The following SHOX variants were observed in gnomAD, a reference collection of about 807,000 sequenced individuals.
SHOX encodes short stature homeobox protein.
In SHOX, 12 loss-of-function variants were observed where a neutral mutation model predicts 29.6. The ratio of observed to expected loss-of-function variants is 0.41; its 90% CI spans 0.26 to 0.66. The LOEUF is 0.66. Ranked by LOEUF, SHOX falls within the 30% of genes least tolerant of loss-of-function variation. SHOX has a pLI of 0.35. For missense variants in SHOX, 499 were observed against 437.7 expected, an observed-to-expected ratio of 1.14 and a Z score of -1.25; for synonymous variants, 214 against 200.6, an observed-to-expected ratio of 1.07 and a Z score of -0.57.
upstream of SHOX, among the ~76,000 whole-genome samples, chrX:626,232 G>C (rs2052530038): frequency 7.2e-6 from 1 of 138,192 alleles, no homozygotes; most frequent in Non-Finnish European, 1.6e-5. Context: ...CTCTATCTCT[G>C]TCTCTCTTTC....
At chrX:639,905 G>A (rs2052820832) in intron 2 of SHOX, among the ~76,000 whole-genome samples, 2 of 152,028 alleles carry the variant, frequency 1.3e-5, no homozygotes, top group Non-Finnish European at 2.9e-5. Flanking sequence ...GGAGGCTGAG[G>A]CAGGAGAATC....
At chrX:640,732 C>A in intron 2 of SHOX, 89 bp from the exon 3 acceptor site, 1 of 1,466,560 alleles carries the variant, frequency 6.8e-7, no homozygotes, top group Non-Finnish European at 9.6e-7. Flanking sequence ...GTGCAAAGTG[C>A]TTGGTTCAGC....
chrX:626,127 CCT>C (rs1156748017), upstream of SHOX, among the ~76,000 whole-genome samples: 3 of 34,872 alleles, frequency 8.6e-5, no homozygotes, highest in Admixed American at 2.5e-4. Flanking sequence ...CTCTCTCTCT[CCT>C]CTCTCTCTTT....
upstream of SHOX, chrX:630,790 C>T: frequency 1.5e-6 from 2 of 1,332,074 alleles, no homozygotes; most frequent in Admixed American, 1.8e-5. Flanking sequence ...AATGGAAAGG[C>T]GTAAATAACA....
rs1487214781 is a variant in SHOX at position 644,960 on chromosome X, CCT to C, written c.*325_*326del. 8.3e-6 allele frequency: 3 copies of C among 360,902 alleles called. No individual in the cohort carries two copies. The highest frequency in any genetic ancestry group is 6.4e-5 in the African/African-American group (3 of 46,822). 22.4% of individuals were successfully genotyped at this position (360,902 alleles called of 1,614,324 possible). A position where few individuals can be genotyped will look rare whatever the true frequency, so the allele number is the denominator to read the frequency against. On this transcript the variant is annotated 3_prime_UTR_variant, in exon 5 of 5. Transcript: ENST00000686671. ...CTGGCTGCGTCTTCCTCTGCTATAC[CCT>C]ATGCATGCGGTTAACTACACACGTT...
At chrX:632,104 G>A (rs1217705291) in intron 1 of SHOX, 14 of 422,866 alleles carry the variant, frequency 3.3e-5, no homozygotes, top group Non-Finnish European at 5.8e-5. Flanking sequence ...AAGCTGTTGG[G>A]TCCATAAAAA....
rs1210516843 is a variant in SHOX, at chrX:644,702, C to T, written c.*66C>T. ...CGCGCACCCCGCCTGCACCGCGCGTCCTGCACTCAACCCCGCCTGGAGCTC... is the reference window on the plus strand; with the variant it reads ...CGCGCACCCCGCCTGCACCGCGCGTTCTGCACTCAACCCCGCCTGGAGCTC... On this transcript the variant is annotated 3_prime_UTR_variant, in exon 5 of 5. Coordinates refer to ENST00000686671, the MANE Select transcript of SHOX (RefSeq NM_000451.4). The T allele has an allele frequency of 5.9e-6, 8 of 1,361,428 alleles. No homozygotes were observed. The highest frequency in any genetic ancestry group is 4.0e-5 in the Admixed American group (1 of 24,860). 84.3% of individuals were successfully genotyped at this position (1,361,428 alleles called of 1,614,324 possible). A position where few individuals can be genotyped will look rare whatever the true frequency, so the allele number is the denominator to read the frequency against.
rs1569491842 is a variant in SHOX, at chrX:625,227, C to CCTCCTCCTCCTCCTTCTT, written c.-433+626_-433+627insTCCTCCTCCTCCTTCTTC. ...TTCTCCTCCTCCTCCTCCTCCTTCT[C>CCTCCTCCTCCTCCTTCTT]CCTCCTCCTCCTCCTTCTACTCCTT... On this transcript the variant is annotated intron_variant, in intron 1 of 5. Coordinates refer to the SHOX transcript ENST00000334060. 5.7e-5 allele frequency among the ~76,000 whole-genome samples: 8 copies of CCTCCTCCTCCTCCTTCTT among 139,178 alleles called. 1 individual carries two copies. The South Asian group carries it at 1.4e-3, about 25-fold the overall frequency. 91.3% of individuals were successfully genotyped at this position (139,178 alleles called of 152,430 possible).
At chrX:626,823 CCT>C (rs1386186862), upstream of SHOX, among the ~76,000 whole-genome samples, 10 of 149,500 alleles carry the variant, frequency 6.7e-5, no homozygotes, top group Admixed American at 4.7e-4. Flanking sequence ...TTCTCTCTCT[CCT>C]CTCTCTCTTT....
downstream of SHOX, among the ~76,000 whole-genome samples, chrX:655,606 CTCTCTCTCTATATA>C (rs1355516913): frequency 2.3e-3 from 82 of 35,786 alleles, no homozygotes; most frequent in African/African-American, 4.3e-3. Flanking sequence ...CTCTCTCTCT[CTCTCTCTCTATATA>C]TATATATATA....
rs189062499 is a variant in SHOX at position 642,560 on chromosome X, C to T, written c.633+1473C>T. The stretch of plus-strand genomic sequence containing the variant: ...AAGGAGAGGGGTCCGCATCCCTCCG[C>T]GGTTCTCCTCTCCTGGGTACCTGGC... On this transcript the variant is annotated intron_variant, in intron 4 of 4. Coordinates refer to ENST00000686671, the MANE Select transcript of SHOX (RefSeq NM_000451.4). Among the ~76,000 whole-genome samples, 957 of 152,344 alleles carry T rather than the reference C, an allele frequency of 6.3e-3. 18 individuals are homozygous for T. Among genetic ancestry groups the T allele is most frequent in the African/African-American group, 0.022 (917 of 41,584 alleles).
intron 2 of SHOX, among the ~76,000 whole-genome samples, chrX:636,231 ATAAATC>A: frequency 1.4e-5 from 2 of 146,484 alleles, no homozygotes; most frequent in African/African-American, 5.0e-5. Context: ...TATATAATAT[ATAAATC>A]TATAAACATA....
chrX:631,901 C>A (rs751148940), intron 1 of SHOX: 2 of 455,964 alleles, frequency 4.4e-6, no homozygotes, highest in East Asian at 1.4e-4. Flanking sequence ...GTCACCCAGA[C>A]GCACAGAGGA....
intron 1 of SHOX, among the ~76,000 whole-genome samples, chrX:632,558 C>T (rs751431436): frequency 3.5e-4 from 53 of 152,152 alleles, no homozygotes; most frequent in African/African-American, 1.2e-3. Flanking sequence ...GCTACCTGCT[C>T]TCCGGGGCCC....
Position 648,749 on chromosome X carries a change from A to G in SHOX, c.*4113A>G, listed in dbSNP as rs1030546166. Among the ~76,000 whole-genome samples, 1 of 152,016 alleles carries G rather than the reference A, an allele frequency of 6.6e-6. No individual in the cohort carries two copies. The highest frequency in any genetic ancestry group is 1.5e-5 in the Non-Finnish European group (1 of 68,012). On this transcript the variant is annotated 3_prime_UTR_variant, in exon 5 of 5. Coordinates refer to ENST00000686671, the MANE Select transcript of SHOX (RefSeq NM_000451.4). ...AAGTTGGGTGACTTTCTGTAGGTGG[A>G]TGAGTGATCCCTGAATGAGTGTGGG...
chrX:641,119 T>C, intron 4 of SHOX, 32 bp downstream of exon 4: 2 of 1,593,814 alleles, frequency 1.3e-6, no homozygotes, highest in Non-Finnish European at 1.7e-6. Context: ...TGAAGATCCC[T>C]AGGGACCTGC....
rs550392913 is a variant in SHOX, at chrX:635,021, T to C, written c.486+195T>C. 8.5e-4 allele frequency among the ~76,000 whole-genome samples: 129 copies of C among 152,264 alleles called. 2 individuals are homozygous for C. In the South Asian group the frequency reaches 0.011, roughly 13 times the overall value. On this transcript the variant is annotated intron_variant, in intron 2 of 4. Coordinates refer to ENST00000686671, the MANE Select transcript of SHOX (RefSeq NM_000451.4). The stretch of plus-strand genomic sequence containing the variant: ...GGCCTGTAGGATGGGTTCATTGCGT[T>C]TGTTTTTCACCAACAGCAAACAAAT...
At chrX:626,964 A>C (rs1343258298), upstream of SHOX, among the ~76,000 whole-genome samples, 79 of 97,466 alleles carry the variant, frequency 8.1e-4, no homozygotes, top group South Asian at 1.4e-3. Context: ...CTCTGTCTGT[A>C]TCTCTGTCTA....
chrX:643,231 C>G (rs1299022371), intron 4 of SHOX, among the ~76,000 whole-genome samples: 3 of 122,400 alleles, frequency 2.5e-5, no homozygotes, highest in African/African-American at 9.6e-5. Flanking sequence ...CACCTGGTGT[C>G]CTGGGGAGAG....
Sources: gnomAD v4.1 joint callset for allele counts (sites outside exome capture counted in the v4.1 genomes callset) on GRCh38, gnomAD v4.1.1 for gene constraint, MANE v1.5 for transcripts, NCBI Gene and HGNC (gene_info 2026-07-23, HGNC 2026-07-21) for gene names.